Variants in VEZT observed in about 807,000 individuals in gnomAD.
VEZT encodes the protein vezatin.
In VEZT, 39 loss-of-function variants were observed where a neutral mutation model predicts 79.9. That is an observed-to-expected ratio of 0.49 (90% CI 0.38 to 0.64). The LOEUF is 0.64. VEZT is among the 30% of genes least tolerant of loss of function. VEZT has a pLI of 0.00. For synonymous variants in VEZT, 325 were observed against 327.6 expected (o/e 0.99, Z 0.09); for missense variants, 837 against 893.1 (o/e 0.94, Z 0.80).
At chr12:95,276,259 C>CTTTTTTTTTTTTTTTTTTTTT (rs35034660) in intron 7 of VEZT, among the ~76,000 whole-genome samples, 3 of 75,156 alleles carry the variant, frequency 4.0e-5, no homozygotes, top group Non-Finnish European at 7.1e-5. Flanking sequence ...TAATTTTTTT[C>CTTTTTTTTTTTTTTTTTTTTT]TTTTTTTTTT....
At chr12:95,274,601 T>C (rs1226774371) in intron 6 of VEZT, 141 bp from the exon 7 acceptor site, 1 of 746,254 alleles carries the variant, frequency 1.3e-6, no homozygotes, top group East Asian at 2.9e-5. Context: ...TACTTAAAAT[T>C]AATTTGTGTT....
intron 1 of VEZT, among the ~76,000 whole-genome samples, chr12:95,238,457 G>A (rs2060470998): frequency 6.6e-6 from 1 of 152,072 alleles, no homozygotes; most frequent in Admixed American, 6.6e-5. Context: ...CTCTGTTAGG[G>A]CCTTCCTGTC....
intron 1 of VEZT, chr12:95,245,536 A>C (rs745531001): frequency 2.2e-6 from 1 of 456,644 alleles, no homozygotes; most frequent in Non-Finnish European, 4.4e-6. Flanking sequence ...ATGTTGCCTG[A>C]CATGGAAGAT....
intron 1 of VEZT, among the ~76,000 whole-genome samples, chr12:95,225,272 A>C (rs1278780305): frequency 6.6e-6 from 1 of 152,192 alleles, no homozygotes; most frequent in Non-Finnish European, 1.5e-5. Flanking sequence ...CGTGATCATG[A>C]TCATAGTTAC....
rs746949480 is a variant in VEZT, at chr12:95,266,459, T to C, written c.537T>C (p.Tyr179=). ...TATGGGGAGTGATTCTATTTGTGTA[T>C]CTGGTCATAAGAGCTTTGAGATTAT... ...WLVWGVILFV[Y]LVIRALRLWR... Residue 179 remains tyrosine, a synonymous_variant, in exon 5 of 12, where the codon TAT becomes TAC. Coordinates refer to ENST00000436874, the MANE Select transcript of VEZT (RefSeq NM_017599.4). The C allele has an allele frequency of 6.2e-7, 1 of 1,613,948 alleles. No homozygotes were observed. The highest frequency in any genetic ancestry group is 2.2e-5 in the East Asian group (1 of 44,864).
intron 9 of VEZT, among the ~76,000 whole-genome samples, chr12:95,293,006 A>G (rs1001578383): frequency 2.6e-5 from 4 of 151,440 alleles, no homozygotes; most frequent in Non-Finnish European, 4.4e-5. Flanking sequence ...ACATACCACC[A>G]TGCCTGGCTA....
At chr12:95,269,990 C>T (rs1566188485) in intron 5 of VEZT, 61 bp from the exon 6 acceptor site, 2 of 1,552,722 alleles carry the variant, frequency 1.3e-6, no homozygotes, top group Non-Finnish European at 8.7e-7. Flanking sequence ...ATTTAGGAAA[C>T]AAAAACTTTA....
chr12:95,279,848 G>A (rs1266899584), intron 7 of VEZT, among the ~76,000 whole-genome samples: 2 of 127,480 alleles, frequency 1.6e-5, no homozygotes, highest in African/African-American at 6.2e-5. Flanking sequence ...GCCTCCCAAA[G>A]TGCTGGGATT....
chr12:95,285,937 G>A (rs2070662376), intron 8 of VEZT, among the ~76,000 whole-genome samples: 1 of 141,430 alleles, frequency 7.1e-6, no homozygotes. Context: ...TAGTTATTTT[G>A]TCATACTAGT....
chr12:95,249,911 GATA>G (rs2062258228), intron 1 of VEZT, among the ~76,000 whole-genome samples: 1 of 151,754 alleles, frequency 6.6e-6, no homozygotes, highest in Non-Finnish European at 1.5e-5. Flanking sequence ...AAATAATAAT[GATA>G]ATGATGATAA....
In VEZT at chr12:95,235,710, G is replaced by A. The variant is rs956153558; in HGVS notation, c.37-16230G>A. Among the ~76,000 whole-genome samples, 87 of 150,866 alleles carry A rather than the reference G, an allele frequency of 5.8e-4. 1 individual carries two copies. The East Asian group carries it at 0.015, about 26-fold the overall frequency. On this transcript the variant is annotated intron_variant, in intron 1 of 11. Transcript: ENST00000436874. ...TCCCGGACGGGGCGGCTGGCCGGGC[G>A]GGGGGCTGACCCCCACCTCCCTCCC...
intron 1 of VEZT, among the ~76,000 whole-genome samples, chr12:95,228,113 A>G (rs2058746003): frequency 6.6e-6 from 1 of 152,028 alleles, no homozygotes; most frequent in South Asian, 2.1e-4. Context: ...TACTTCTTTC[A>G]TACTTCTGTG....
intron 9 of VEZT, among the ~76,000 whole-genome samples, chr12:95,289,993 T>C (rs2072298459): frequency 6.6e-6 from 1 of 152,180 alleles, no homozygotes; most frequent in Non-Finnish European, 1.5e-5. Context: ...CTGTATGCAT[T>C]TTTGTAAAAC....
chr12:95,275,375 C>G (rs1378251145), intron 7 of VEZT, among the ~76,000 whole-genome samples: 1 of 152,090 alleles, frequency 6.6e-6, no homozygotes, highest in Non-Finnish European at 1.5e-5. Flanking sequence ...GGCAGATCAC[C>G]TGTCACCTGA....
chr12:95,274,119 C>T (rs2138928974), intron 6 of VEZT, among the ~76,000 whole-genome samples: 1 of 152,218 alleles, frequency 6.6e-6, no homozygotes, highest in South Asian at 2.1e-4. Context: ...ATAGTGAGGG[C>T]CCTGAACCAT....
chr12:95,299,571 T>G (rs1359812457), intron 11 of VEZT: 1 of 152,206 alleles, frequency 6.6e-6, no homozygotes, highest in African/African-American at 2.4e-5. Context: ...GCAAGTAAGT[T>G]AAATTGTATG....
At chr12:95,273,175 C>T (rs2138883685) in intron 6 of VEZT, among the ~76,000 whole-genome samples, 1 of 152,086 alleles carries the variant, frequency 6.6e-6, no homozygotes, top group Admixed American at 6.5e-5. Flanking sequence ...AAATATGAAA[C>T]TATTTTTAAA....
chr12:95,254,861 C>T (rs2063217549), intron 2 of VEZT, among the ~76,000 whole-genome samples: 1 of 152,102 alleles, frequency 6.6e-6, no homozygotes, highest in South Asian at 2.1e-4. Flanking sequence ...TTTGCATATG[C>T]TTGTTAGTAG....
intron 1 of VEZT, among the ~76,000 whole-genome samples, chr12:95,232,867 G>A (rs12426451): frequency 2.0e-5 from 3 of 151,922 alleles, no homozygotes; most frequent in Admixed American, 1.3e-4. Context: ...GTGCAGTGAC[G>A]CAATCTCGGC....
Sources: gnomAD v4.1 joint callset for allele counts (sites outside exome capture counted in the v4.1 genomes callset) on GRCh38, gnomAD v4.1.1 for gene constraint, MANE v1.5 for transcripts, NCBI Gene and HGNC (gene_info 2026-07-23, HGNC 2026-07-21) for gene names.